The following TFIP11 variants were observed in gnomAD, a reference collection of about 807,000 sequenced individuals.
The protein encoded by TFIP11 is tuftelin-interacting protein 11.
Under a neutral mutation model 96.8 loss-of-function variants are expected in TFIP11, and 86 were observed. The ratio of observed to expected loss-of-function variants is 0.89; its 90% CI spans 0.75 to 1.06. The LOEUF is 1.06. Among genes scored for constraint, TFIP11 ranks in the 50% least tolerant of loss-of-function variants. The probability of loss-of-function intolerance (pLI) is 0.00; values close to 1 mark genes in which losing one functional copy is unlikely to be tolerated. For missense variants in TFIP11, 881 were observed against 1,076.7 expected, an observed-to-expected ratio of 0.82 and a Z score of 2.54; for synonymous variants, 405 against 395.2, an observed-to-expected ratio of 1.02 and a Z score of -0.29.
At chr22:26,508,361 C>T (rs1209567941) in intron 4 of TFIP11, among the ~76,000 whole-genome samples, 9 of 152,224 alleles carry the variant, frequency 5.9e-5, no homozygotes, top group Non-Finnish European at 1.3e-4. Flanking sequence ...AATAATGGTA[C>T]CTTTCTCATA....
intron 7 of TFIP11, 98 bp from the exon 8 acceptor site, chr22:26,502,150 C>A: frequency 6.8e-7 from 1 of 1,472,796 alleles, no homozygotes; most frequent in South Asian, 1.2e-5. Context: ...CATTCACTGT[C>A]TTAGATTTAT....
intron 10 of TFIP11, 86 bp downstream of exon 10, chr22:26,498,783 A>G (rs1902377956): frequency 9.9e-7 from 1 of 1,010,992 alleles, no homozygotes; most frequent in Non-Finnish European, 1.6e-6. Flanking sequence ...CAAGGCCAGC[A>G]CTGCTGCCTT....
In TFIP11 at chr22:26,499,566, G is replaced by A. The variant is rs1236828099; in HGVS notation, c.867C>T (p.His289=). 39 of 1,614,036 alleles carry A rather than the reference G, an allele frequency of 2.4e-5. No homozygotes were observed. In the East Asian group the frequency reaches 8.0e-4, roughly 33 times the overall value. Residue 289 remains histidine (H), a synonymous_variant, in exon 9 of 15, where the codon CAC becomes CAT. Transcript: ENST00000407690. ...GCGGCAGCCCATCATCGGGAACGTT[G>A]TGCTTGTGGCTGATCTGACTGTAGC... is the stretch of plus-strand genomic sequence containing the variant. ...YYSYSQISHK[H]NVPDDGLPLQ...
chr22:26,498,233 G>T (rs149717527), intron 10 of TFIP11, among the ~76,000 whole-genome samples: 1 of 152,110 alleles, frequency 6.6e-6, no homozygotes, highest in African/African-American at 2.4e-5. Context: ...GGATGGGAAG[G>T]GGGTGAGGGA....
At chr22:26,497,790 C>T (rs1413096377) in intron 10 of TFIP11, among the ~76,000 whole-genome samples, 1 of 150,416 alleles carries the variant, frequency 6.6e-6, no homozygotes, top group Non-Finnish European at 1.5e-5. Context: ...GCAGGAGAAT[C>T]GCTTGAACCC....
chr22:26,510,066 T>A lies in TFIP11; in HGVS notation c.207A>T (p.Lys69Asn), dbSNP rs765671711. ...SDDERPSFGG[K>N]RARDYSAPVN... is the part of the protein sequence containing the mutation. The stretch of plus-strand genomic sequence containing the variant: ...GCAGCCCCCATGCCAGGCAATACCG[T>A]TTGCCTCCAAAGCTGGGCCTCTCAT... Residue 69 changes from lysine to asparagine, a missense_variant and splice_region_variant, in exon 4 of 15, where the codon AAA (lysine) becomes AAT (asparagine). Physicochemically the swap from Lys to Asn is moderately conservative, Grantham distance 94. Transcript: ENST00000407690. The A allele has an allele frequency of 2.5e-5, 40 of 1,613,002 alleles. No individual in the cohort carries two copies. Among genetic ancestry groups the A allele is most frequent in the Non-Finnish European group, 3.3e-5 (39 of 1,179,980 alleles).
At chr22:26,502,852 C>A (rs1922957822) in intron 7 of TFIP11, among the ~76,000 whole-genome samples, 1 of 152,212 alleles carries the variant, frequency 6.6e-6, no homozygotes, top group Non-Finnish European at 1.5e-5. Context: ...GTCCCCACCA[C>A]TCTTTATTGT....
intron 6 of TFIP11, among the ~76,000 whole-genome samples, chr22:26,504,596 T>C (rs1272129355): frequency 2.0e-5 from 3 of 151,832 alleles, no homozygotes; most frequent in Non-Finnish European, 4.4e-5. Flanking sequence ...GCCCAGGAGG[T>C]TGAGGCTGCA....
At chr22:26,494,441 C>A in intron 13 of TFIP11, 137 bp from the exon 14 acceptor site, 1 of 1,022,288 alleles carries the variant, frequency 9.8e-7, no homozygotes, top group South Asian at 1.5e-5. Context: ...AGTAGCTAAA[C>A]AGTCTAGCAC....
At chr22:26,504,653 G>C (rs1923193794) in intron 6 of TFIP11, among the ~76,000 whole-genome samples, 1 of 152,124 alleles carries the variant, frequency 6.6e-6, no homozygotes, top group South Asian at 2.1e-4. Context: ...CTAGGTAACA[G>C]AGTGAGACTT....
In TFIP11 at chr22:26,499,147, T is replaced by G. The variant is rs769644425; in HGVS notation, c.1286A>C (p.Tyr429Ser). 6.3e-7 allele frequency: 1 copy of G among 1,598,040 alleles called. No homozygotes were observed. The change falls in exon 9 of 15, where the codon TAT becomes TCT. Residue 429 changes from tyrosine (Y) to serine (S), a missense_variant. Coordinates refer to ENST00000407690, the MANE Select transcript of TFIP11 (RefSeq NM_012143.4). ...CTTGAAGTACTCCTTCATGAGTGGA[T>G]AGACGATGGCCACAGCAAGGTCCAC... ...DRVDLAVAIVYPLMKEYFKEW... is the reference protein window; with the variant it reads ...DRVDLAVAIVSPLMKEYFKEW...
chr22:26,496,363 C>G, intron 11 of TFIP11, 47 bp from the exon 12 acceptor site: 1 of 1,549,942 alleles, frequency 6.5e-7, no homozygotes, highest in East Asian at 2.3e-5. Context: ...GTGGGGCAGT[C>G]ACATAACACC....
intron 4 of TFIP11, among the ~76,000 whole-genome samples, chr22:26,507,837 C>A (rs1314664328): frequency 6.6e-6 from 1 of 152,058 alleles, no homozygotes; most frequent in Non-Finnish European, 1.5e-5. Flanking sequence ...ATAAAAAACC[C>A]TGGAGCCAGG....
rs1433305091 is a variant in TFIP11 at position 26,496,067 on chromosome 22, C to G, written c.1849+6G>C. 4 of 1,613,160 alleles carry G rather than the reference C, an allele frequency of 2.5e-6. No homozygotes were observed. The highest frequency in any genetic ancestry group is 2.2e-5 in the East Asian group (1 of 44,874). On this transcript the variant is annotated splice_donor_region_variant and intron_variant, in intron 12 of 14. Transcript: ENST00000407690. ...GGGCTTGGAATGCATTTCCCCTTAT[C>G]CTTACCCAGCTTGGGCACTATGTTT...
chr22:26,494,270 T>C lies in TFIP11; in HGVS notation c.2027A>G (p.Tyr676Cys), dbSNP rs960208140. ...CAGGTACCACTTGGTGATCTCCTCA[T>C]AATTTGGGCTGTTACTGAGCCAAGA... ...LCSWLSNSPN[Y>C]EEITKWYLGW... is the part of the protein sequence containing the mutation. The change falls in exon 14 of 15, where the codon TAT (tyrosine) becomes TGT (cysteine). Residue 676 changes from tyrosine (Y) to cysteine (C), a missense_variant. Tyr to Cys is a radical substitution (Grantham distance 194). Transcript: ENST00000407690. The C allele has an allele frequency of 6.2e-7, 1 of 1,614,224 alleles. No homozygotes were observed. The highest frequency in any genetic ancestry group is 1.3e-5 in the African/African-American group (1 of 75,058).
rs3177310 is a variant in TFIP11 at position 26,492,125 on chromosome 22, A to G, written c.2402T>C (p.Leu801Pro). 3 of 1,614,070 alleles carry G rather than the reference A, an allele frequency of 1.9e-6. No homozygotes were observed. In the African/African-American group the frequency reaches 4.0e-5, roughly 22 times the overall value. ...VIGKRHEGKQLYTFGRIVIYI... is the reference protein window; with the variant it reads ...VIGKRHEGKQPYTFGRIVIYI... The stretch of plus-strand genomic sequence containing the variant: ...GATCACAATGCGGCCAAAGGTGTAG[A>G]GCTGCTTCCCTTCGTGTCGCTTCCC... Residue 801 changes from leucine (L) to proline (P), a missense_variant, in exon 15 of 15, where the codon CTC becomes CCC. Transcript: ENST00000407690.
chr22:26,506,504 T>G, intron 5 of TFIP11, 45 bp from the exon 6 acceptor site: 1 of 1,572,540 alleles, frequency 6.4e-7, no homozygotes. Context: ...AAAAACAAAA[T>G]GAAGAAAAAT....
chr22:26,493,890 C>T, intron 14 of TFIP11: 1 of 473,014 alleles, frequency 2.1e-6, no homozygotes, highest in Admixed American at 3.5e-5. Context: ...AGACTGACAT[C>T]ATCTGAATCC....
intron 6 of TFIP11, among the ~76,000 whole-genome samples, chr22:26,504,678 G>A (rs1010926859): frequency 3.3e-5 from 5 of 151,934 alleles, no homozygotes; most frequent in Non-Finnish European, 5.9e-5. Context: ...TCAAAAAAAA[G>A]CAAAAAAACT....
Sources: allele counts gnomAD v4.1 joint callset (sites outside exome capture counted in the v4.1 genomes callset), GRCh38; gene constraint gnomAD v4.1.1; transcripts MANE v1.5; gene names NCBI Gene and HGNC (gene_info 2026-07-23, HGNC 2026-07-21).